Variants in TUSC3 observed in about 807,000 individuals in gnomAD.
The protein encoded by TUSC3 is tumor suppressor candidate 3.
In TUSC3, 45 loss-of-function variants were observed where a neutral mutation model predicts 44.8. The ratio of observed to expected loss-of-function variants is 1.00; its 90% confidence interval spans 0.79 to 1.29. The LOEUF is 1.29. TUSC3 is among the 50% of genes most tolerant of loss of function. The probability of loss-of-function intolerance (pLI) is 0.00; values close to 1 mark genes in which losing one functional copy is unlikely to be tolerated. For missense variants in TUSC3, 519 were observed against 437.9 expected (o/e 1.19, Z -1.65); for synonymous variants, 212 against 152.9 (o/e 1.39, Z -2.85).
intron 2 of TUSC3, among the ~76,000 whole-genome samples, chr8:15,487,075 C>A (rs992662917): frequency 2.0e-5 from 3 of 152,154 alleles, no homozygotes; most frequent in African/African-American, 7.2e-5. Flanking sequence ...CTATGACAAA[C>A]CGATAAAATA....
chr8:15,774,811 G>T, the TUSC3 span, among the ~76,000 whole-genome samples: 1 of 151,696 alleles, frequency 6.6e-6, no homozygotes, highest in African/African-American at 2.4e-5. Context: ...CCATCAGAAT[G>T]TATTTTTTTT....
chr8:15,457,153 A>T (rs1398768694), intron 1 of TUSC3, among the ~76,000 whole-genome samples: 2 of 106,252 alleles, frequency 1.9e-5, no homozygotes, highest in East Asian at 3.2e-4. Context: ...AAGATCACAC[A>T]CTGGGGCCTG....
intron 1 of TUSC3, among the ~76,000 whole-genome samples, chr8:15,586,404 G>A (rs1157542774): frequency 1.3e-5 from 2 of 152,124 alleles, no homozygotes; most frequent in Non-Finnish European, 2.9e-5. Context: ...GGGATGGAGA[G>A]ACCACTTTGC....
At chr8:15,794,811 C>A in the TUSC3 span, among the ~76,000 whole-genome samples, 7 of 152,122 alleles carry the variant, frequency 4.6e-5, no homozygotes. Context: ...TACGAGACAG[C>A]AAATACGTCT....
At chr8:15,467,326 C>T (rs914479863) in intron 1 of TUSC3, among the ~76,000 whole-genome samples, 1 of 150,350 alleles carries the variant, frequency 6.7e-6, no homozygotes, top group Non-Finnish European at 1.5e-5. Flanking sequence ...TATCTTCTCT[C>T]ACAATAATCC....
intron 1 of TUSC3, among the ~76,000 whole-genome samples, chr8:15,425,950 A>C (rs993931901): frequency 6.6e-6 from 1 of 152,228 alleles, no homozygotes; most frequent in Non-Finnish European, 1.5e-5. Context: ...CAGGAGTTCA[A>C]GGCTGCAGTG....
chr8:15,562,509 C>G (rs1026874737), intron 1 of TUSC3, among the ~76,000 whole-genome samples: 1 of 152,106 alleles, frequency 6.6e-6, no homozygotes, highest in Non-Finnish European at 1.5e-5. Flanking sequence ...TTTCTTATCT[C>G]CTAGTTTCTA....
At chr8:15,474,290 A>G (rs188823263) in intron 1 of TUSC3, among the ~76,000 whole-genome samples, 252 of 152,300 alleles carry the variant, frequency 1.7e-3, no homozygotes, top group African/African-American at 5.8e-3. Flanking sequence ...ATGTTTTACA[A>G]TCAATTTGTA....
chr8:15,639,920 T>G (rs2129171323), intron 2 of TUSC3, among the ~76,000 whole-genome samples: 1 of 152,294 alleles, frequency 6.6e-6, no homozygotes, highest in South Asian at 2.1e-4. Context: ...AATATTCTTT[T>G]TATTTATCAG....
intron 1 of TUSC3, among the ~76,000 whole-genome samples, chr8:15,437,890 T>C (rs534375957): frequency 5.2e-4 from 79 of 152,260 alleles, no homozygotes; most frequent in African/African-American, 1.8e-3. Context: ...TGCACCCTGT[T>C]GAGATAACAG....
intron 3 of TUSC3, 147 bp downstream of exon 3, chr8:15,650,961 G>C: frequency 1.4e-5 from 10 of 718,248 alleles, no homozygotes; most frequent in South Asian, 1.4e-4. Flanking sequence ...CTGCATTCCA[G>C]GTGGAGGACA....
intron 1 of TUSC3, among the ~76,000 whole-genome samples, chr8:15,621,620 A>T (rs1438875107): frequency 6.8e-6 from 1 of 147,976 alleles, no homozygotes; most frequent in Non-Finnish European, 1.5e-5. Flanking sequence ...TTATACATAA[A>T]TATTATATAT....
intron 2 of TUSC3, among the ~76,000 whole-genome samples, chr8:15,527,088 T>A (rs1908469): frequency 0.98 from 149,452 of 152,360 alleles, 73,366 homozygotes; most frequent in East Asian, 1. Context: ...GGTAACAAAA[T>A]GTTTACTATA....
chr8:15,494,071 C>G (rs1800846212), intron 2 of TUSC3, among the ~76,000 whole-genome samples: 1 of 152,210 alleles, frequency 6.6e-6, no homozygotes, highest in South Asian at 2.1e-4. Flanking sequence ...AATAACCCCA[C>G]CATACCAGCC....
chr8:15,452,572 G>C (rs886924163), intron 1 of TUSC3, among the ~76,000 whole-genome samples: 7 of 152,240 alleles, frequency 4.6e-5, no homozygotes, highest in African/African-American at 1.7e-4. Context: ...CTAGTGGGAG[G>C]AGGGGAAAGC....
chr8:15,576,665 T>TAAA (rs1382784683), intron 1 of TUSC3, among the ~76,000 whole-genome samples: 12 of 139,614 alleles, frequency 8.6e-5, no homozygotes. Flanking sequence ...GGCTGCATAG[T>TAAA]ATTCCATGGT....
At position 15,517,522 on chromosome 8, in the gene TUSC3, CAAAAAAAAAAAAAAAAA is replaced by C. The variant is rs71211049; in HGVS notation, n.189+34057_189+34073del. On this transcript the variant is annotated intron_variant and non_coding_transcript_variant, in intron 2 of 5. Transcript: ENST00000503191. ...GAGCTTCCTAACATTTAGCGTGAGG[CAAAAAAAAAAAAAAAAA>C]AAAAAAAAAAAAAAAAAGCCCACAA... 4.7e-3 allele frequency among the ~76,000 whole-genome samples: 367 copies of C among 77,512 alleles called. 4 individuals are homozygous for C. The highest frequency in any genetic ancestry group is 0.02 in the African/African-American group (238 of 12,140). The allele number at this position is 77,512 out of a possible 152,430, so 50.9% of individuals were successfully genotyped here.
intron 1 of TUSC3, among the ~76,000 whole-genome samples, chr8:15,543,163 C>T (rs186883736): frequency 3.1e-4 from 47 of 152,266 alleles, no homozygotes; most frequent in Admixed American, 8.5e-4. Flanking sequence ...GACTTTAAAA[C>T]CTGATGCCTA....
At chr8:15,423,269 A>C (rs563774092) in intron 1 of TUSC3, among the ~76,000 whole-genome samples, 32 of 152,322 alleles carry the variant, frequency 2.1e-4, no homozygotes, top group Non-Finnish European at 4.3e-4. Context: ...CATCTATGAT[A>C]ATGAGAGCTG....
Sources: gnomAD v4.1 joint callset for allele counts (sites outside exome capture counted in the v4.1 genomes callset) on GRCh38, gnomAD v4.1.1 for gene constraint, MANE v1.5 for transcripts, NCBI Gene and HGNC (gene_info 2026-07-23, HGNC 2026-07-21) for gene names.